Variants in DCHS1 observed in about 807,000 individuals in gnomAD.
DCHS1 encodes protocadherin-16.
DCHS1 carries 78 observed loss-of-function variants against 213.9 expected under a neutral mutation model. The observed-to-expected ratio is 0.36, with a 90% CI of 0.30 to 0.44. The LOEUF is 0.44. Among genes scored for constraint, DCHS1 ranks in the 20% least tolerant of loss-of-function variants. The pLI, the probability that DCHS1 is intolerant of heterozygous loss-of-function variation, is 1.00. For synonymous variants in DCHS1, 1,828 were observed against 1,873.7 expected (o/e 0.98, Z 0.63); for missense variants, 3,946 against 4,395.9 (o/e 0.90, Z 2.89).
chr11:6,622,376 T>C lies in DCHS1; in HGVS notation c.9300A>G (p.Pro3100=). 2 of 1,568,048 alleles carry C rather than the reference T, an allele frequency of 1.3e-6. No homozygotes were observed. Among genetic ancestry groups the C allele is most frequent in the Non-Finnish European group, 1.7e-6 (2 of 1,156,364 alleles). ...YKGRKAGLLL[P]GAGATLYREE... is the part of the protein sequence containing the mutation. ...CTCTGTAGAGAGTGGCTCCTGCACC[T>C]GGCAGCAGCAGCCCTGCCTTTCGGC... is the stretch of plus-strand genomic sequence containing the variant. Residue 3100 remains proline, a synonymous_variant, in exon 21 of 21, where the codon CCA becomes CCG. Transcript: ENST00000299441. The surrounding 1 kb of genome is among the most constrained non-coding windows in gnomAD (Gnocchi z 5.4).
chr11:6,640,308 C>T lies in DCHS1; in HGVS notation c.1306G>A (p.Asp436Asn), dbSNP rs1856048576. ...VARRLDREER[D>N]AYNLRVTATD... is the part of the protein sequence containing the mutation. ...GCTGTAACCCTCAAGTTATAGGCAT[C>T]CCTCTCCTCTCGATCCAGCCGCCGA... is the stretch of plus-strand genomic sequence containing the variant. The change falls in exon 2 of 21, where the codon GAT (aspartate) becomes AAT (asparagine). Residue 436 changes from aspartate to asparagine, a missense_variant. Asp to Asn is a conservative substitution (Grantham distance 23). Transcript: ENST00000299441. The surrounding 1 kb of genome is among the most constrained non-coding windows in gnomAD (Gnocchi z 6.5). The T allele has an allele frequency of 6.2e-7, 1 of 1,607,734 alleles. No individual in the cohort carries two copies. Among genetic ancestry groups the T allele is most frequent in the Non-Finnish European group, 8.5e-7 (1 of 1,177,204 alleles).
At position 6,632,023 on chromosome 11, in the gene DCHS1, G is replaced by A. The variant is rs201595915; in HGVS notation, c.3481+8C>T. On this transcript the variant is annotated splice_region_variant and intron_variant, in intron 6 of 20. Coordinates refer to ENST00000299441, the MANE Select transcript of DCHS1 (RefSeq NM_003737.4). This position sits in a 1 kb window ranked among gnomAD's most constrained non-coding sequence, Gnocchi z 5.9. ...ATGCGGTCTCAGGATTTGGGTCTCTGTGCTCACCAGTCTGGGGGTGGATGC... is the reference window on the plus strand; with the variant it reads ...ATGCGGTCTCAGGATTTGGGTCTCTATGCTCACCAGTCTGGGGGTGGATGC... 2.5e-5 allele frequency: 38 copies of A among 1,504,640 alleles called. No individual in the cohort carries two copies. In the Admixed American group the frequency reaches 4.5e-4, roughly 18 times the overall value. 93.2% of individuals were successfully genotyped at this position (1,504,640 alleles called of 1,614,324 possible).
At position 6,641,454 on chromosome 11, in the gene DCHS1, C is replaced by T. The variant is rs764463762; in HGVS notation, c.160G>A (p.Glu54Lys). The change falls in exon 2 of 21, where the codon GAG becomes AAG. Residue 54 changes from glutamate to lysine, a missense_variant. Physicochemically the swap from Glu to Lys is moderately conservative, Grantham distance 56. Transcript: ENST00000299441. The surrounding 1 kb of genome is among the most constrained non-coding windows in gnomAD (Gnocchi z 7.1). ...AGSLDLQIDE[E>K]QPAGTLIGDI... ...CCAATCAGTGTACCCGCTGGCTGCT[C>T]CTCATCAATCTGCAAGTCCAGGCTC... 1.3e-6 allele frequency: 2 copies of T among 1,599,686 alleles called. No homozygotes were observed. Among genetic ancestry groups the T allele is most frequent in the Non-Finnish European group, 1.7e-6 (2 of 1,173,672 alleles).
rs763176856 is a variant in DCHS1 at position 6,633,884 on chromosome 11, C to T, written c.2123G>A (p.Arg708His). ...GGATCCCTGGTCAGGGTCATGGGCA[C>T]GCAACCTCAGCACAGCTGTGCCTGG... is the stretch of plus-strand genomic sequence containing the variant. ...SPPGTAVLRL[R>H]AHDPDQGSHG... The change falls in exon 4 of 21, where the codon CGT (arginine) becomes CAT (histidine). Residue 708 changes from arginine to histidine, a missense_variant. By Grantham distance (29) the Arg-to-His change is conservative. Transcript: ENST00000299441. The T allele has an allele frequency of 1.1e-4, 170 of 1,613,930 alleles. 3 individuals carry two copies. The highest frequency in any genetic ancestry group is 9.8e-4 in the South Asian group (89 of 91,084).
At chr11:6,650,649 G>T (rs985572746) in intron 1 of DCHS1, among the ~76,000 whole-genome samples, 2 of 152,120 alleles carry the variant, frequency 1.3e-5, no homozygotes, top group Non-Finnish European at 2.9e-5. Context: ...GTGAGTCCGT[G>T]GGCTAAGAGG....
chr11:6,652,671 T>C (rs551808052), intron 1 of DCHS1, among the ~76,000 whole-genome samples: 3 of 152,208 alleles, frequency 2.0e-5, no homozygotes, highest in African/African-American at 7.2e-5. Flanking sequence ...TTCGTTCTTA[T>C]AGGAAGGAAG....
chr11:6,649,479 G>A (rs1312565513), intron 1 of DCHS1, among the ~76,000 whole-genome samples: 5 of 151,896 alleles, frequency 3.3e-5, no homozygotes, highest in Non-Finnish European at 7.4e-5. Context: ...CATGGAGGAT[G>A]ACTGGAGGCC....
Position 6,623,471 on chromosome 11 carries a change from A to G in DCHS1, c.8205T>C (p.Ala2735=), listed in dbSNP as rs1855740086. The change falls in exon 21 of 21, where the codon GCT becomes GCC. Residue 2735 remains alanine, a synonymous_variant. Transcript: ENST00000299441. ...VTTLHAIDGD[A]GAFGRLRYSL... Reference sequence around the variant, plus strand: ...TGTAACGGAGCCTCCCAAAAGCCCCAGCATCCCCGTCGATTGCATGCAGAG... The same window carrying G: ...TGTAACGGAGCCTCCCAAAAGCCCCGGCATCCCCGTCGATTGCATGCAGAG... The G allele has an allele frequency of 6.3e-7, 1 of 1,583,500 alleles. No homozygotes were observed. The highest frequency in any genetic ancestry group is 1.4e-5 in the African/African-American group (1 of 74,052).
intron 1 of DCHS1, among the ~76,000 whole-genome samples, chr11:6,642,196 C>T (rs929612422): frequency 1.8e-4 from 28 of 152,180 alleles, no homozygotes; most frequent in Middle Eastern, 3.2e-3. Flanking sequence ...CCACCCACCA[C>T]CCTGCTGGAA....
At position 6,623,331 on chromosome 11, in the gene DCHS1, C is replaced by T. The variant is rs200985379; in HGVS notation, c.8345G>A (p.Arg2782Gln). ...PFDYEHTESF[R>Q]LLVGAADAGN... ...AGCATCAGCAGCACCCACCAGCAGC[C>T]GGAAGCTTTCTGTGTGCTCATAGTC... is the stretch of plus-strand genomic sequence containing the variant. Residue 2782 changes from arginine to glutamine, a missense_variant, in exon 21 of 21, where the codon CGG becomes CAG. By Grantham distance (43) the Arg-to-Gln change is conservative. Around this residue, in one of 3 missense-constraint regions of DCHS1, gnomAD observed 3,384 missense variants for 3,780.1 expected, o/e 0.90. Coordinates refer to ENST00000299441, the MANE Select transcript of DCHS1 (RefSeq NM_003737.4). 10 of 1,593,770 alleles carry T rather than the reference C, an allele frequency of 6.3e-6. No homozygotes were observed. Among genetic ancestry groups the T allele is most frequent in the Admixed American group, 1.7e-5 (1 of 57,198 alleles).
intron 1 of DCHS1, among the ~76,000 whole-genome samples, chr11:6,652,831 T>C (rs772743116): frequency 5.3e-5 from 8 of 152,186 alleles, no homozygotes; most frequent in Non-Finnish European, 1.2e-4. Context: ...CCACCATGTC[T>C]GCTTTGTCAC....
At position 6,626,293 on chromosome 11, in the gene DCHS1, G is replaced by A. The variant is rs1174938172; in HGVS notation, c.6452C>T (p.Ala2151Val). Residue 2151 changes from alanine to valine, a missense_variant, in exon 16 of 21, where the codon GCC (alanine) becomes GTC (valine). Ala to Val is a moderately conservative substitution (Grantham distance 64, BLOSUM62 0). Around this residue, in one of 3 missense-constraint regions of DCHS1, gnomAD observed 3,384 missense variants for 3,780.1 expected, o/e 0.90. Transcript: ENST00000299441. The surrounding 1 kb of genome is among the most constrained non-coding windows in gnomAD (Gnocchi z 5.2). ...CAGGGTCAGCACAGTGAAGGCAAAGGCTCCTCCACTCTCTGCCTGCAGCAC... is the reference window on the plus strand; with the variant it reads ...CAGGGTCAGCACAGTGAAGGCAAAGACTCCTCCACTCTCTGCCTGCAGCAC... ...RLVLQAESGG[A>V]FAFTVLTLTL... 1 of 1,613,322 alleles carries A rather than the reference G, an allele frequency of 6.2e-7. No homozygotes were observed. The highest frequency in any genetic ancestry group is 1.7e-5 in the Admixed American group (1 of 59,928).
At position 6,625,867 on chromosome 11, in the gene DCHS1, T is replaced by C; in HGVS notation, c.6731+53A>G. On this transcript the variant is annotated intron_variant, in intron 17 of 20. Transcript: ENST00000299441. This position sits in a 1 kb window ranked among gnomAD's most constrained non-coding sequence, Gnocchi z 5.3. ...GACCAGATGAGTTCAAGGCAGGGCT[T>C]GAAACTGGACAGGCCCAAGATGGGG... 1 of 1,600,002 alleles carries C rather than the reference T, an allele frequency of 6.2e-7. No individual in the cohort carries two copies. Among genetic ancestry groups the C allele is most frequent in the Non-Finnish European group, 8.5e-7 (1 of 1,173,284 alleles).
chr11:6,623,098 C>G lies in DCHS1; in HGVS notation c.8578G>C (p.Gly2860Arg), dbSNP rs1855730279. Residue 2860 changes from glycine (G) to arginine (R), a missense_variant, in exon 21 of 21, where the codon GGT becomes CGT. Physicochemically the swap from Gly to Arg is moderately radical, Grantham distance 125. This residue lies in a region of DCHS1 where 554 missense variants were observed against 590.2 expected (regional missense o/e 0.94). Transcript: ENST00000299441. ...AGGGCTCCTGTAGTCTGGTTAATAC[C>G]AAAATAGGGGGAAGAGGTGGCAAGG... is the stretch of plus-strand genomic sequence containing the variant. ...YSLATSSPYF[G>R]INQTTGALYL... 13 of 1,601,674 alleles carry G rather than the reference C, an allele frequency of 8.1e-6. No individual in the cohort carries two copies. The highest frequency in any genetic ancestry group is 1.1e-5 in the South Asian group (1 of 89,068).
rs765115615 is a variant in DCHS1, at chr11:6,630,846, G to A, written c.3948C>T (p.Arg1316=). 67 of 1,524,886 alleles carry A rather than the reference G, an allele frequency of 4.4e-5. 1 individual carries two copies. In the South Asian group the frequency reaches 8.0e-4, roughly 18 times the overall value. The allele number at this position is 1,524,886 out of a possible 1,614,324, so 94.5% of individuals were successfully genotyped here. ...QLLVQVLPSA[R]LAEPPPDLAE... ...CGAGATCTGGGGGCGGCTCGGCCAA[G>A]CGAGCTGAGGGAAGCACCTGTTGTG... The change falls in exon 10 of 21, where the codon CGC becomes CGT. Residue 1316 remains arginine, a synonymous_variant. Transcript: ENST00000299441.
rs1185113552 is a variant in DCHS1, at chr11:6,626,135, C to T, written c.6576+34G>A. The T allele has an allele frequency of 7.5e-6, 12 of 1,594,502 alleles. No homozygotes were observed. The highest frequency in any genetic ancestry group is 1.0e-5 in the Non-Finnish European group (12 of 1,170,670). On this transcript the variant is annotated intron_variant, in intron 16 of 20. Transcript: ENST00000299441. This position sits in a 1 kb window ranked among gnomAD's most constrained non-coding sequence, Gnocchi z 5.2. ...CCACAGACAAGTCTGACTAGCCCTG[C>T]TCCCCCGCCCAATCTTTCCATCACA...
At position 6,632,583 on chromosome 11, in the gene DCHS1, G is replaced by A. The variant is rs933209289; in HGVS notation, c.2929C>T (p.Pro977Ser). 7.9e-6 allele frequency: 12 copies of A among 1,513,882 alleles called. No individual in the cohort carries two copies. Among genetic ancestry groups the A allele is most frequent in the Non-Finnish European group, 1.1e-5 (12 of 1,127,744 alleles). 93.8% of individuals were successfully genotyped at this position (1,513,882 alleles called of 1,614,324 possible). Reference protein sequence around the residue: ...ELEARDGGSPPRTSHFRLRVV... With the variant: ...ELEARDGGSPSRTSHFRLRVV... Reference sequence around the variant, plus strand: ...CGTAGTCGAAAGTGGCTGGTGCGTGGTGGGGAGCCCCCATCCCGGGCCTCC... The same window carrying A: ...CGTAGTCGAAAGTGGCTGGTGCGTGATGGGGAGCCCCCATCCCGGGCCTCC... Residue 977 changes from proline (P) to serine (S), a missense_variant, in exon 6 of 21, where the codon CCA becomes TCA. Pro to Ser is a moderately conservative substitution (Grantham distance 74). Coordinates refer to ENST00000299441, the MANE Select transcript of DCHS1 (RefSeq NM_003737.4). This position sits in a 1 kb window ranked among gnomAD's most constrained non-coding sequence, Gnocchi z 5.9.
At position 6,641,569 on chromosome 11, in the gene DCHS1, C is replaced by T; in HGVS notation, c.45G>A (p.Lys15=). The T allele has an allele frequency of 6.4e-7, 1 of 1,551,014 alleles. No homozygotes were observed. The highest frequency in any genetic ancestry group is 8.7e-7 in the Non-Finnish European group (1 of 1,147,092). The change falls in exon 2 of 21, where the codon AAG becomes AAA. Residue 15 remains lysine, a synonymous_variant. Coordinates refer to ENST00000299441, the MANE Select transcript of DCHS1 (RefSeq NM_003737.4). This position sits in a 1 kb window ranked among gnomAD's most constrained non-coding sequence, Gnocchi z 7.1. ...LGIVPSCPGM[K]SPRPHLLLPL... is the part of the protein sequence containing the mutation. ...GTAGCAGGAGGTGGGGCCTGGGGCT[C>T]TTCATGCCAGGGCAGGAAGGCACAA...
At position 6,630,668 on chromosome 11, in the gene DCHS1, C is replaced by T. The variant is rs777513013; in HGVS notation, c.4126G>A (p.Glu1376Lys). Residue 1376 changes from glutamate (E) to lysine (K), a missense_variant, in exon 10 of 21, where the codon GAG (glutamate) becomes AAG (lysine). Glu to Lys is a moderately conservative substitution (Grantham distance 56). Coordinates refer to ENST00000299441, the MANE Select transcript of DCHS1 (RefSeq NM_003737.4). ...GCCGCATCCAGCGCGAAGGTGCCCT[C>T]GGGATCGGCACCGCCCACCAGTGTG... The part of the protein sequence containing the change: ...TYTLVGGADP[E>K]GTFALDAASG... 6 of 1,532,628 alleles carry T rather than the reference C, an allele frequency of 3.9e-6. No individual in the cohort carries two copies. In the East Asian group the frequency reaches 9.7e-5, roughly 25 times the overall value. The allele number at this position is 1,532,628 out of a possible 1,614,324, so 94.9% of individuals were successfully genotyped here. A position where few individuals can be genotyped will look rare whatever the true frequency, so the allele number is the denominator to read the frequency against.
Sources: allele counts gnomAD v4.1 joint callset (sites outside exome capture counted in the v4.1 genomes callset), GRCh38; gene constraint gnomAD v4.1.1; regional missense constraint gnomAD v4.1.1; non-coding constraint Gnocchi (gnomAD v3.1); transcripts MANE v1.5; gene names NCBI Gene and HGNC (gene_info 2026-07-23, HGNC 2026-07-21).